ANK1: variants seen among roughly 807,000 people sequenced by gnomAD.
ANK1 encodes ankyrin-1.
A neutral mutation model predicts 210.4 loss-of-function variants in ANK1; 51 were observed. The observed-to-expected ratio is 0.24, with a 90% confidence interval of 0.19 to 0.31. The LOEUF is 0.31. Ranked by LOEUF, ANK1 falls within the 10% of genes least tolerant of loss-of-function variation. The pLI is 1.00. For synonymous variants in ANK1, 967 were observed against 1,025.9 expected (o/e 0.94, Z 1.10); for missense variants, 2,051 against 2,504.4 (o/e 0.82, Z 3.86).
intron 1 of ANK1, among the ~76,000 whole-genome samples, chr8:41,806,359 T>C (rs1294050858): frequency 6.6e-6 from 1 of 152,124 alleles, no homozygotes; most frequent in Non-Finnish European, 1.5e-5. Flanking sequence ...TGCCCTGTTC[T>C]TTCCACTACT....
rs144295749 is a variant in ANK1 at position 41,781,240 on chromosome 8, C to G, written c.27+16272G>C. The stretch of plus-strand genomic sequence containing the variant: ...CATCTGTGGCCCATGCACCCCAAAG[C>G]CTCTCCAGCCACCTCAATCTCCTGG... On this transcript the variant is annotated intron_variant, in intron 1 of 42. Transcript: ENST00000289734. 8.0e-3 allele frequency among the ~76,000 whole-genome samples: 1,216 copies of G among 152,236 alleles called. 10 individuals are homozygous for G. The highest frequency in any genetic ancestry group is 0.027 in the African/African-American group (1,108 of 41,526).
intron 13 of ANK1, 84 bp from the exon 14 acceptor site, chr8:41,715,933 G>A: frequency 6.6e-7 from 1 of 1,521,476 alleles, no homozygotes; most frequent in East Asian, 2.3e-5. Context: ...GCAAGGCAGG[G>A]CCCAGAGAGG....
At position 41,783,887 on chromosome 8, in the gene ANK1, A is replaced by G. The variant is rs144414185; in HGVS notation, c.27+13625T>C. On this transcript the variant is annotated intron_variant, in intron 1 of 42. Coordinates refer to ENST00000289734, the MANE Select transcript of ANK1 (RefSeq NM_000037.4). Reference sequence around the variant, plus strand: ...CCACCAGACTGGGCAACATAGCAAGACTCCATCTCTAAAAATATTGTTTTT... The same window carrying G: ...CCACCAGACTGGGCAACATAGCAAGGCTCCATCTCTAAAAATATTGTTTTT... Among the ~76,000 whole-genome samples the G allele has an allele frequency of 3.3e-5, 5 of 151,924 alleles. No homozygotes were observed. In the East Asian group the frequency reaches 9.7e-4, roughly 29 times the overall value.
intron 40 of ANK1, among the ~76,000 whole-genome samples, chr8:41,662,473 G>A (rs186038549): frequency 6.6e-6 from 1 of 152,364 alleles, no homozygotes; most frequent in East Asian, 1.9e-4. Flanking sequence ...TGACCAAGGT[G>A]TGACTGGGTG....
At chr8:41,819,883 C>G (rs1436022893) in intron 1 of ANK1, among the ~76,000 whole-genome samples, 1 of 152,244 alleles carries the variant, frequency 6.6e-6, no homozygotes, top group Non-Finnish European at 1.5e-5. Flanking sequence ...CAGGGACACA[C>G]AGCAAAGTTC....
chr8:41,830,719 A>G (rs1806436535), intron 1 of ANK1, among the ~76,000 whole-genome samples: 1 of 152,190 alleles, frequency 6.6e-6, no homozygotes, highest in Non-Finnish European at 1.5e-5. Context: ...GCTCCTACCT[A>G]CCCAGTGCCA....
At chr8:41,661,793 C>T (rs1456564051) in intron 41 of ANK1, 83 bp downstream of exon 41, 1 of 1,613,640 alleles carries the variant, frequency 6.2e-7, no homozygotes, top group South Asian at 1.1e-5. Flanking sequence ...CCGCGGGCGC[C>T]TCAGTACCTT....
chr8:41,665,043 C>T (rs376491638), intron 39 of ANK1: 111 of 1,611,518 alleles, frequency 6.9e-5, no homozygotes, highest in Admixed American at 1.3e-4. Context: ...CTCACCAGCC[C>T]GGTCCTCTGG....
At chr8:41,701,190 A>C (rs530916239) in intron 22 of ANK1, among the ~76,000 whole-genome samples, 1 of 152,232 alleles carries the variant, frequency 6.6e-6, no homozygotes, top group Non-Finnish European at 1.5e-5. Context: ...TATTCGTTCA[A>C]AGCACAAAGA....
chr8:41,868,689 C>T (rs1181452275), intron 1 of ANK1, among the ~76,000 whole-genome samples: 1 of 152,210 alleles, frequency 6.6e-6, no homozygotes, highest in Non-Finnish European at 1.5e-5. Flanking sequence ...TGGTCTGATA[C>T]ATTATTTACA....
intron 1 of ANK1, among the ~76,000 whole-genome samples, chr8:41,759,867 G>A (rs1840019900): frequency 6.6e-6 from 1 of 152,216 alleles, no homozygotes; most frequent in Non-Finnish European, 1.5e-5. Context: ...CTGAGGCACA[G>A]AGAGCAGAAG....
In ANK1 at chr8:41,692,779, C is replaced by G. The variant is rs201129527; in HGVS notation, c.3727G>C (p.Val1243Leu). 1.2e-6 allele frequency: 2 copies of G among 1,614,038 alleles called. No individual in the cohort carries two copies. The highest frequency in any genetic ancestry group is 1.7e-5 in the Admixed American group (1 of 59,996). ...GGGTCATTCATCTTGGCAAAGATGA[C>G]GAATTTGGCCATGTAGGGCACTGCA... ...LTAVPYMAKF[V>L]IFAKMNDPRE... Residue 1243 changes from valine to leucine, a missense_variant, in exon 31 of 43, where the codon GTC becomes CTC. By Grantham distance (32) the Val-to-Leu change is conservative. Around this residue, in one of 6 missense-constraint regions of ANK1, gnomAD observed 1,413 missense variants for 1,707.4 expected, o/e 0.83. Transcript: ENST00000289734.
At chr8:41,830,541 A>G (rs757624198) in intron 1 of ANK1, among the ~76,000 whole-genome samples, 4 of 152,152 alleles carry the variant, frequency 2.6e-5, no homozygotes, top group African/African-American at 4.8e-5. Context: ...GAAATGTTCA[A>G]AAGCTAGAAT....
Position 41,717,166 on chromosome 8 carries a change from G to C in ANK1, c.1306-115C>G, listed in dbSNP as rs1586399605. ...TTGGTGGGTTTTTGTCCAAGAGGTGGAGTTGCCCCAGCAGGCAGCTCTTTA... is the reference window on the plus strand; with the variant it reads ...TTGGTGGGTTTTTGTCCAAGAGGTGCAGTTGCCCCAGCAGGCAGCTCTTTA... On this transcript the variant is annotated intron_variant, in intron 12 of 42. Transcript: ENST00000289734. The C allele has an allele frequency of 1.1e-5, 12 of 1,072,608 alleles. No individual in the cohort carries two copies. In the East Asian group the frequency reaches 3.0e-4, roughly 27 times the overall value. The allele number at this position is 1,072,608 out of a possible 1,614,324, so 66.4% of individuals were successfully genotyped here.
intron 14 of ANK1, 35 bp downstream of exon 14, chr8:41,715,617 G>A: frequency 2.5e-6 from 4 of 1,610,604 alleles, no homozygotes; most frequent in Non-Finnish European, 2.5e-6. Flanking sequence ...GAGTGAGCCT[G>A]TTGCTTCCTT....
Position 41,672,868 on chromosome 8 carries a change from C to A in ANK1, c.4582G>T (p.Gly1528Cys). The part of the protein sequence containing the change: ...QDELLSPASL[G>C]CALSSPLRAD... ...CGTAGCGGAGAGGAAAGTGCACAGCCCAGGGAGGCAGGGGACAGCAGCTCG... is the reference window on the plus strand; with the variant it reads ...CGTAGCGGAGAGGAAAGTGCACAGCACAGGGAGGCAGGGGACAGCAGCTCG... Residue 1528 changes from glycine to cysteine, a missense_variant, in exon 38 of 43, where the codon GGC becomes TGC. Gly to Cys is a radical substitution (Grantham distance 159). Transcript: ENST00000289734. 1 of 1,608,370 alleles carries A rather than the reference C, an allele frequency of 6.2e-7. No homozygotes were observed. The highest frequency in any genetic ancestry group is 1.1e-5 in the South Asian group (1 of 91,058).
chr8:41,708,214 CT>C (rs33910911), intron 17 of ANK1, among the ~76,000 whole-genome samples: 6,328 of 151,412 alleles, frequency 0.042, 419 homozygotes, highest in African/African-American at 0.14. Context: ...GATTTTTAGT[CT>C]TTTTTTTTGG....
chr8:41,883,139 C>T (rs2150832643), intron 1 of ANK1, among the ~76,000 whole-genome samples: 1 of 152,354 alleles, frequency 6.6e-6, no homozygotes, highest in Non-Finnish European at 1.5e-5. Context: ...GCACAGCCCA[C>T]ACTCCCACAG....
intron 1 of ANK1, among the ~76,000 whole-genome samples, chr8:41,761,173 GCA>G (rs373519602): frequency 8.7e-6 from 1 of 115,326 alleles, no homozygotes; most frequent in Non-Finnish European, 2.0e-5. Context: ...ATGCACACAT[GCA>G]CACACAGATG....
Sources: allele counts gnomAD v4.1 joint callset (sites outside exome capture counted in the v4.1 genomes callset), GRCh38; gene constraint gnomAD v4.1.1; regional missense constraint gnomAD v4.1.1; transcripts MANE v1.5; gene names NCBI Gene and HGNC (gene_info 2026-07-23, HGNC 2026-07-21).